ILRUN: variants seen among roughly 807,000 people sequenced by gnomAD.
The protein encoded by ILRUN is protein ILRUN.
Under a neutral mutation model 33.8 loss-of-function variants are expected in ILRUN, and 3 were observed. That is an observed-to-expected ratio of 0.09 (90% CI 0.04 to 0.23). ILRUN has a LOEUF of 0.23. ILRUN is among the 10% of genes least tolerant of loss of function. The probability of loss-of-function intolerance (pLI) is 1.00; values close to 1 mark genes in which losing one functional copy is unlikely to be tolerated. For synonymous variants in ILRUN, 124 were observed against 138.9 expected, an observed-to-expected ratio of 0.89 and a Z score of 0.75; for missense variants, 210 against 375.1, an observed-to-expected ratio of 0.56 and a Z score of 3.64.
rs1761323333 is a variant in ILRUN, at chr6:34,592,858, C to G, written c.862-2258G>C. Among the ~76,000 whole-genome samples, 1 of 151,778 alleles carries G rather than the reference C, an allele frequency of 6.6e-6. No homozygotes were observed. Among genetic ancestry groups the G allele is most frequent in the Non-Finnish European group, 1.5e-5 (1 of 67,948 alleles). ...AATACAATGCTCAAAGGTCTCTGTG[C>G]AGGAAAAAAAAATGCACAGCAAAAA... On this transcript the variant is annotated intron_variant, in intron 4 of 4. Transcript: ENST00000374023. The surrounding 1 kb of genome is among the most constrained non-coding windows in gnomAD (Gnocchi z 4.0).
chr6:34,691,143 C>T (rs1243907771), intron 1 of ILRUN, among the ~76,000 whole-genome samples: 2 of 152,098 alleles, frequency 1.3e-5, no homozygotes, highest in African/African-American at 4.8e-5. Flanking sequence ...CCGCCTCGGC[C>T]TCCCAAAGTG....
At chr6:34,692,557 T>C (rs1763669200) in intron 1 of ILRUN, among the ~76,000 whole-genome samples, 1 of 152,146 alleles carries the variant, frequency 6.6e-6, no homozygotes, top group Non-Finnish European at 1.5e-5. Context: ...CACACACAAA[T>C]ACTGTGATTA....
chr6:34,615,244 T>C (rs1761860383), intron 3 of ILRUN, among the ~76,000 whole-genome samples: 1 of 152,156 alleles, frequency 6.6e-6, no homozygotes, highest in Admixed American at 6.6e-5. Context: ...TTACAAAACA[T>C]ACACTAAAAT....
chr6:34,692,509 GAAC>G (rs1373770741), intron 1 of ILRUN, among the ~76,000 whole-genome samples: 9 of 152,062 alleles, frequency 5.9e-5, no homozygotes, highest in African/African-American at 9.7e-5. Context: ...ATGATGCGTA[GAAC>G]AACACGTCTA....
At chr6:34,644,729 A>G (rs893226186) in intron 3 of ILRUN, among the ~76,000 whole-genome samples, 14 of 152,080 alleles carry the variant, frequency 9.2e-5, no homozygotes, top group African/African-American at 3.1e-4. Flanking sequence ...ATGAAGGGGG[A>G]GGGATGAATT....
At chr6:34,631,489 G>A (rs1047392347) in intron 3 of ILRUN, among the ~76,000 whole-genome samples, 7 of 151,984 alleles carry the variant, frequency 4.6e-5, no homozygotes, top group Non-Finnish European at 1.0e-4. Context: ...CACCACGCCC[G>A]GCTAATTTTT....
chr6:34,613,675 TG>T (rs1562002482), intron 3 of ILRUN, among the ~76,000 whole-genome samples: 1 of 152,248 alleles, frequency 6.6e-6, no homozygotes, highest in Admixed American at 6.5e-5. Flanking sequence ...GCTGTGGTAC[TG>T]AATTAAAGTC....
chr6:34,683,504 A>ATACG (rs1431252660), intron 1 of ILRUN, among the ~76,000 whole-genome samples: 18 of 99,260 alleles, frequency 1.8e-4, no homozygotes, highest in African/African-American at 7.5e-4. Context: ...ATATACATAT[A>ATACG]TATATATATA....
intron 3 of ILRUN, among the ~76,000 whole-genome samples, chr6:34,621,846 A>G (rs958465599): frequency 1.4e-5 from 2 of 139,826 alleles, no homozygotes; most frequent in Non-Finnish European, 3.0e-5. Context: ...CTGATGACAG[A>G]GCAAGACTCC....
intron 1 of ILRUN, among the ~76,000 whole-genome samples, chr6:34,695,083 C>T (rs2127393641): frequency 6.6e-6 from 1 of 151,186 alleles, no homozygotes; most frequent in Non-Finnish European, 1.5e-5. Flanking sequence ...TTACACATTA[C>T]CTTTGGTGCA....
chr6:34,678,804 G>A (rs535682400), intron 1 of ILRUN, among the ~76,000 whole-genome samples: 2 of 123,550 alleles, frequency 1.6e-5, no homozygotes, highest in African/African-American at 3.3e-5. Flanking sequence ...GCAGTGAGCC[G>A]AGATCACGCC....
chr6:34,604,307 C>T (rs1016693024), intron 4 of ILRUN, among the ~76,000 whole-genome samples: 1 of 152,186 alleles, frequency 6.6e-6, no homozygotes, highest in East Asian at 1.9e-4. Context: ...CATTCCCAAC[C>T]GTCTGTGATG....
chr6:34,608,301 G>T (rs1215645686), intron 3 of ILRUN, among the ~76,000 whole-genome samples: 2 of 151,856 alleles, frequency 1.3e-5, no homozygotes, highest in East Asian at 3.9e-4. Context: ...GGCTGAGGCA[G>T]GAGAATTGCT....
intron 3 of ILRUN, among the ~76,000 whole-genome samples, chr6:34,628,768 C>A (rs530341838): frequency 6.6e-5 from 10 of 152,230 alleles, no homozygotes; most frequent in Middle Eastern, 3.4e-3. Context: ...GTTGGCCTCA[C>A]AGAAGGAGTT....
intron 3 of ILRUN, among the ~76,000 whole-genome samples, chr6:34,629,026 T>A (rs570648299): frequency 2.6e-5 from 4 of 152,108 alleles, no homozygotes; most frequent in African/African-American, 9.7e-5. Flanking sequence ...TGAGGATCAT[T>A]TGTGCCTGGG....
At position 34,590,203 on chromosome 6, in the gene ILRUN, T is replaced by C. The variant is rs1378197148; in HGVS notation, c.*362A>G. ...TTAACATGTGCTCAAAACTACAACCTTTCTGTAGGCAAAATAATTTTTGTT... is the reference window on the plus strand; with the variant it reads ...TTAACATGTGCTCAAAACTACAACCCTTCTGTAGGCAAAATAATTTTTGTT... On this transcript the variant is annotated 3_prime_UTR_variant, in exon 5 of 5. Coordinates refer to ENST00000374023, the MANE Select transcript of ILRUN (RefSeq NM_024294.4). 3.0e-5 allele frequency: 5 copies of C among 168,608 alleles called. No homozygotes were observed. The highest frequency in any genetic ancestry group is 6.5e-5 in the Non-Finnish European group (5 of 77,502). The allele number at this position is 168,608 out of a possible 1,614,324, so 10.4% of individuals were successfully genotyped here.
chr6:34,683,429 CAT>C (rs202177741), intron 1 of ILRUN, among the ~76,000 whole-genome samples: 26,093 of 88,198 alleles, frequency 0.3, 3,182 homozygotes, highest in African/African-American at 0.44. Context: ...CATATATATA[CAT>C]ATATATATAC....
intron 1 of ILRUN, among the ~76,000 whole-genome samples, chr6:34,691,703 G>A (rs912153413): frequency 2.0e-5 from 3 of 152,226 alleles, no homozygotes; most frequent in South Asian, 4.1e-4. Context: ...GGCTGAGGCA[G>A]GAGAATCTCT....
chr6:34,647,974 C>T (rs1439050881), intron 2 of ILRUN, among the ~76,000 whole-genome samples: 2 of 152,246 alleles, frequency 1.3e-5, no homozygotes, highest in Non-Finnish European at 2.9e-5. Context: ...GCTGGGATTA[C>T]AGGCATGAGC....
Sources: allele counts gnomAD v4.1 joint callset (sites outside exome capture counted in the v4.1 genomes callset), GRCh38; gene constraint gnomAD v4.1.1; non-coding constraint Gnocchi (gnomAD v3.1); transcripts MANE v1.5; gene names NCBI Gene and HGNC (gene_info 2026-07-23, HGNC 2026-07-21).